Variants in TRERF1 observed in about 807,000 individuals in gnomAD.
TRERF1 encodes transcriptional-regulating factor 1.
Under a neutral mutation model 122.9 loss-of-function variants are expected in TRERF1, and 27 were observed. The ratio of observed to expected loss-of-function variants is 0.22; its 90% CI spans 0.16 to 0.30. TRERF1 has a LOEUF of 0.30. Ranked by LOEUF, TRERF1 falls within the 10% of genes least tolerant of loss-of-function variation. The pLI is 1.00. For synonymous variants in TRERF1, 636 were observed against 641.7 expected (o/e 0.99, Z 0.13); for missense variants, 1,248 against 1,560.3 (o/e 0.80, Z 3.37).
At chr6:42,425,958 T>C (rs561310247) in intron 2 of TRERF1, among the ~76,000 whole-genome samples, 1 of 152,244 alleles carries the variant, frequency 6.6e-6, no homozygotes, top group South Asian at 2.1e-4. Flanking sequence ...TCCCTGCACG[T>C]GGGGAGCAGG....
intron 2 of TRERF1, among the ~76,000 whole-genome samples, chr6:42,414,279 C>T (rs1234489531): frequency 6.6e-6 from 1 of 152,144 alleles, no homozygotes; most frequent in Non-Finnish European, 1.5e-5. Flanking sequence ...GCAAAACATT[C>T]ACACTTTTTT....
chr6:42,439,506 C>G (rs1240988431), intron 2 of TRERF1, among the ~76,000 whole-genome samples: 1 of 152,124 alleles, frequency 6.6e-6, no homozygotes, highest in Non-Finnish European at 1.5e-5. Context: ...ATCACTTTAA[C>G]CTGGGAGGCG....
rs557979017 is a variant in TRERF1 at position 42,405,766 on chromosome 6, T to C, written c.-453-42687A>G. Among the ~76,000 whole-genome samples the C allele has an allele frequency of 2.2e-4, 33 of 147,042 alleles. No homozygotes were observed. The South Asian group carries it at 6.9e-3, about 31-fold the overall frequency. On this transcript the variant is annotated intron_variant, in intron 2 of 17. Coordinates refer to ENST00000372922, the Ensembl canonical transcript of TRERF1. ...GTTGCGATCACACCATTGCATTCTA[T>C]CCTGGGCGATAGAGCCAGACCTTGT...
rs751305767 is a variant in TRERF1, at chr6:42,246,556, C to T, written c.2657-12G>A. 4.4e-6 allele frequency: 7 copies of T among 1,589,178 alleles called. No homozygotes were observed. The Admixed American group carries it at 9.0e-5, about 20-fold the overall frequency. On this transcript the variant is annotated splice_polypyrimidine_tract_variant and intron_variant, in intron 13 of 17. Coordinates refer to ENST00000372922, the Ensembl canonical transcript of TRERF1. The stretch of plus-strand genomic sequence containing the variant: ...CCACTTGTCCGAACCTACAACAAAA[C>T]ACAAACATCATAAGAACAGCTCACA...
exon 18 of TRERF1, chr6:42,226,116 C>T (rs1427522959): frequency 2.6e-5 from 4 of 152,168 alleles, no homozygotes; most frequent in South Asian, 2.1e-4. Context: ...TGAACTGTCT[C>T]GTTAAGGAGG....
chr6:42,435,587 T>TA (rs2151714497), intron 2 of TRERF1, among the ~76,000 whole-genome samples: 1 of 152,030 alleles, frequency 6.6e-6, no homozygotes, highest in South Asian at 2.1e-4. Context: ...AAGATGAACT[T>TA]AAAGATTTAT....
chr6:42,319,076 G>C (rs539595670), intron 3 of TRERF1, among the ~76,000 whole-genome samples: 28 of 152,350 alleles, frequency 1.8e-4, no homozygotes, highest in Middle Eastern at 3.4e-3. Context: ...CCTGAATGAA[G>C]AGTCCTCATA....
At chr6:42,435,109 C>T (rs1474300155) in intron 2 of TRERF1, among the ~76,000 whole-genome samples, 1 of 147,966 alleles carries the variant, frequency 6.8e-6, no homozygotes, top group Non-Finnish European at 1.5e-5. Flanking sequence ...CCAGCCTGGG[C>T]AGAAACAGCA....
At chr6:42,392,179 G>C (rs564208814) in intron 2 of TRERF1, among the ~76,000 whole-genome samples, 1 of 152,340 alleles carries the variant, frequency 6.6e-6, no homozygotes, top group South Asian at 2.1e-4. Flanking sequence ...CTGGCAGCCA[G>C]GGCAGCACCT....
chr6:42,365,897 C>A (rs1449924453), intron 2 of TRERF1, among the ~76,000 whole-genome samples: 1 of 152,224 alleles, frequency 6.6e-6, no homozygotes, highest in African/African-American at 2.4e-5. Context: ...CATGCTTTGG[C>A]TTTGGAGGCT....
chr6:42,262,467 G>C (rs371373709), intron 8 of TRERF1, among the ~76,000 whole-genome samples: 4 of 2,238 alleles, frequency 1.8e-3, no homozygotes, highest in African/African-American at 2.2e-3. Context: ...AGAGAGAGAG[G>C]AGAGAGAGAG....
At chr6:42,250,992 C>CTTTTTTT (rs70987586) in intron 13 of TRERF1, among the ~76,000 whole-genome samples, 14 of 97,598 alleles carry the variant, frequency 1.4e-4, no homozygotes, top group East Asian at 3.0e-4. Context: ...TCTTTTGCTT[C>CTTTTTTT]TTTTTTTTTT....
At chr6:42,376,514 C>T (rs1265451918) in intron 2 of TRERF1, among the ~76,000 whole-genome samples, 1 of 149,230 alleles carries the variant, frequency 6.7e-6, no homozygotes, top group Non-Finnish European at 1.5e-5. Context: ...ATGTTGAAAC[C>T]TTCATGACTT....
chr6:42,395,902 C>T (rs1363906475), intron 2 of TRERF1, among the ~76,000 whole-genome samples: 1 of 152,120 alleles, frequency 6.6e-6, no homozygotes, highest in Non-Finnish European at 1.5e-5. Flanking sequence ...ATCAAACTAC[C>T]TCACGCTCAC....
chr6:42,430,510 G>A (rs1364383803), intron 2 of TRERF1, among the ~76,000 whole-genome samples: 8 of 152,214 alleles, frequency 5.3e-5, no homozygotes, highest in African/African-American at 1.9e-4. Flanking sequence ...AGCACTTTGG[G>A]AGGCCAAGAC....
intron 2 of TRERF1, among the ~76,000 whole-genome samples, chr6:42,450,326 G>T (rs1272324727): frequency 6.6e-6 from 1 of 152,242 alleles, no homozygotes; most frequent in East Asian, 1.9e-4. Context: ...CCGGTTTTCA[G>T]GAGATATTTT....
At chr6:42,418,089 G>A (rs1424528762) in intron 2 of TRERF1, among the ~76,000 whole-genome samples, 2 of 151,970 alleles carry the variant, frequency 1.3e-5, no homozygotes, top group East Asian at 1.9e-4. Context: ...CAAACTTGAC[G>A]TGCACCCAAT....
In TRERF1 at chr6:42,263,826, G is replaced by A. The variant is rs1448157753; in HGVS notation, c.1636-258C>T. Among the ~76,000 whole-genome samples, 2 of 152,156 alleles carry A rather than the reference G, an allele frequency of 1.3e-5. No homozygotes were observed. Among genetic ancestry groups the A allele is most frequent in the African/African-American group, 2.4e-5 (1 of 41,430 alleles). ...TGTATTAAACTATTTTAAAAAAATT[G>A]TGTGGTTGTCATGCTTTTAAAGAAA... On this transcript the variant is annotated intron_variant, in intron 7 of 17. Transcript: ENST00000372922. This position sits in a 1 kb window ranked among gnomAD's most constrained non-coding sequence, Gnocchi z 5.6.
At chr6:42,230,065 T>A (rs1057473588) in intron 17 of TRERF1, among the ~76,000 whole-genome samples, 4 of 152,126 alleles carry the variant, frequency 2.6e-5, no homozygotes, top group Admixed American at 1.3e-4. Flanking sequence ...GGCATAATAC[T>A]CTTTAGTCAC....
Sources: allele counts gnomAD v4.1 joint callset (sites outside exome capture counted in the v4.1 genomes callset), GRCh38; gene constraint gnomAD v4.1.1; non-coding constraint Gnocchi (gnomAD v3.1); transcripts MANE v1.5; gene names NCBI Gene and HGNC (gene_info 2026-07-23, HGNC 2026-07-21).